Variants in FUT8 observed in about 807,000 individuals in gnomAD.
FUT8 encodes alpha-(1,6)-fucosyltransferase.
In FUT8, 29 loss-of-function variants were observed where a neutral mutation model predicts 71.3. The observed-to-expected ratio is 0.41, with a 90% confidence interval of 0.30 to 0.55. The LOEUF (loss-of-function observed/expected upper bound fraction) is 0.55. FUT8 is among the 20% of genes least tolerant of loss of function. The probability of loss-of-function intolerance (pLI) is 0.34; values close to 1 mark genes in which losing one functional copy is unlikely to be tolerated. For synonymous variants in FUT8, 254 were observed against 239.3 expected (o/e 1.06, Z -0.57); for missense variants, 544 against 702.1 (o/e 0.77, Z 2.55).
intron 1 of FUT8, among the ~76,000 whole-genome samples, chr14:65,449,708 C>G (rs942755852): frequency 6.6e-6 from 1 of 152,180 alleles, no homozygotes; most frequent in African/African-American, 2.4e-5. Context: ...TAGTAAAATT[C>G]TTCATAGTGA....
chr14:65,452,075 T>C (rs530987169), intron 1 of FUT8, among the ~76,000 whole-genome samples: 1 of 152,338 alleles, frequency 6.6e-6, no homozygotes, highest in Admixed American at 6.5e-5. Context: ...TAAATATCTT[T>C]AGTTTCTCCT....
intron 2 of FUT8, among the ~76,000 whole-genome samples, chr14:65,536,212 A>G (rs774572863): frequency 2.0e-5 from 3 of 152,106 alleles, no homozygotes; most frequent in Non-Finnish European, 4.4e-5. Flanking sequence ...TTAGCTTGCC[A>G]TTCTGTGCCT....
At chr14:65,504,180 A>G (rs2066690046) in intron 2 of FUT8, among the ~76,000 whole-genome samples, 2 of 152,212 alleles carry the variant, frequency 1.3e-5, no homozygotes, top group East Asian at 1.9e-4. Flanking sequence ...TTTTTAGGAA[A>G]AAATATTAAA....
intron 1 of FUT8, among the ~76,000 whole-genome samples, chr14:65,426,270 A>G (rs1369846827): frequency 1.3e-5 from 2 of 151,198 alleles, no homozygotes; most frequent in African/African-American, 2.4e-5. Flanking sequence ...GGGTTCATCC[A>G]TGTTATTTGC....
the FUT8 span, among the ~76,000 whole-genome samples, chr14:65,376,170 C>G: frequency 1.3e-5 from 2 of 152,032 alleles, no homozygotes; most frequent in South Asian, 2.1e-4. Flanking sequence ...AACCAAAGAA[C>G]TTTCCGCAGA....
chr14:65,642,291 C>T (rs1411537629), intron 6 of FUT8, among the ~76,000 whole-genome samples: 1 of 151,998 alleles, frequency 6.6e-6, no homozygotes. Flanking sequence ...CTATTAGTTG[C>T]TTTAGAACTT....
chr14:65,637,041 C>T (rs549260577), intron 6 of FUT8, among the ~76,000 whole-genome samples: 18 of 152,136 alleles, frequency 1.2e-4, no homozygotes, highest in African/African-American at 2.9e-4. Context: ...AGTTTTTTCC[C>T]GCAAAGTGAA....
At chr14:65,719,439 T>G (rs940728472) in intron 7 of FUT8, among the ~76,000 whole-genome samples, 10 of 152,196 alleles carry the variant, frequency 6.6e-5, no homozygotes, top group African/African-American at 2.4e-4. Flanking sequence ...CTATGTTTCT[T>G]CAGGATTTGG....
chr14:65,385,195 G>A, the FUT8 span, among the ~76,000 whole-genome samples: 3 of 151,938 alleles, frequency 2.0e-5, no homozygotes, highest in Admixed American at 6.6e-5. Flanking sequence ...CACCGCGCCC[G>A]GCCTTAGGTT....
chr14:65,546,922 T>C (rs563347419), intron 2 of FUT8, among the ~76,000 whole-genome samples: 1 of 151,768 alleles, frequency 6.6e-6, no homozygotes, highest in African/African-American at 2.4e-5. Context: ...GTCATTAGGC[T>C]ATTCAAGTAA....
chr14:65,411,680 C>G, upstream of FUT8: 1 of 235,282 alleles, frequency 4.3e-6, no homozygotes, highest in South Asian at 4.7e-5. Flanking sequence ...AGAAATGATT[C>G]TTGTCTTAAG....
chr14:65,700,381 G>GT (rs763718984), intron 7 of FUT8, among the ~76,000 whole-genome samples: 14,721 of 48,764 alleles, frequency 0.3, 5,599 homozygotes, highest in Non-Finnish European at 0.37. Context: ...CTTTCTTTCT[G>GT]TTTTTTTTTT....
At chr14:65,471,933 C>T (rs916626226) in intron 2 of FUT8, among the ~76,000 whole-genome samples, 3 of 152,104 alleles carry the variant, frequency 2.0e-5, no homozygotes, top group Non-Finnish European at 4.4e-5. Flanking sequence ...CTCTTTCTGA[C>T]ATCAGGTCTG....
intron 2 of FUT8, among the ~76,000 whole-genome samples, chr14:65,547,013 G>A (rs752022212): frequency 3.3e-5 from 5 of 151,594 alleles, no homozygotes; most frequent in East Asian, 3.8e-4. Context: ...TTTATTGACC[G>A]AAAATTATTT....
intron 3 of FUT8, among the ~76,000 whole-genome samples, chr14:65,580,182 A>G (rs1332142940): frequency 2.0e-5 from 3 of 151,188 alleles, no homozygotes; most frequent in Non-Finnish European, 3.0e-5. Flanking sequence ...GTATACTTAC[A>G]TCATAGAGTG....
chr14:65,409,861 T>C (rs2065104306), upstream of FUT8, among the ~76,000 whole-genome samples: 1 of 152,228 alleles, frequency 6.6e-6, no homozygotes, highest in African/African-American at 2.4e-5. This position sits in a 1 kb window ranked among gnomAD's most constrained non-coding sequence, Gnocchi z 5.4. Context: ...ACAGAACTTG[T>C]CTTTAACTTT....
At chr14:65,629,753 G>A (rs1459651327) in intron 6 of FUT8, 147 bp downstream of exon 6, 3 of 616,616 alleles carry the variant, frequency 4.9e-6, no homozygotes, top group African/African-American at 3.7e-5. Flanking sequence ...GAAAGACACT[G>A]TGTTATGCCT....
rs115002736 is a variant in FUT8, at chr14:65,695,553, A to G, written c.835+26073A>G. Reference sequence around the variant, plus strand: ...TATTTGAAATTGGTAGAGCTACTCTAGCTTTCTTTTGATTTGTGTTAGCAT... The same window carrying G: ...TATTTGAAATTGGTAGAGCTACTCTGGCTTTCTTTTGATTTGTGTTAGCAT... On this transcript the variant is annotated intron_variant, in intron 7 of 10. Coordinates refer to ENST00000673929, the MANE Select transcript of FUT8 (RefSeq NM_001371533.1). 6.9e-3 allele frequency among the ~76,000 whole-genome samples: 1,055 copies of G among 152,250 alleles called. 12 individuals carry two copies. Among genetic ancestry groups the G allele is most frequent in the African/African-American group, 0.023 (955 of 41,556 alleles).
chr14:65,435,922 CTTTTTT>C (rs374407475), intron 1 of FUT8, among the ~76,000 whole-genome samples: 1 of 121,912 alleles, frequency 8.2e-6, no homozygotes, highest in Non-Finnish European at 1.7e-5. Flanking sequence ...GATATCTTCC[CTTTTTT>C]TTTTTTTTTT....
Sources: gnomAD v4.1 joint callset for allele counts (sites outside exome capture counted in the v4.1 genomes callset) on GRCh38, gnomAD v4.1.1 for gene constraint, Gnocchi (gnomAD v3.1) non-coding constraint, MANE v1.5 for transcripts, NCBI Gene and HGNC (gene_info 2026-07-23, HGNC 2026-07-21) for gene names.